Variants in EXOG observed in about 807,000 individuals in gnomAD.
EXOG encodes the protein nuclease EXOG, mitochondrial.
Under a neutral mutation model 25.8 loss-of-function variants are expected in EXOG, and 27 were observed. The ratio of observed to expected loss-of-function variants is 1.05; its 90% CI spans 0.77 to 1.45. EXOG has a LOEUF of 1.45. Ranked by LOEUF, EXOG falls within the 40% of genes most tolerant of loss-of-function variation. The pLI is 0.00. For missense variants in EXOG, 458 were observed against 450.5 expected (o/e 1.02, Z -0.15); for synonymous variants, 133 against 167.0 (o/e 0.80, Z 1.57).
At chr3:38,511,758 A>G (rs1252318474) in intron 5 of EXOG, among the ~76,000 whole-genome samples, 2 of 152,220 alleles carry the variant, frequency 1.3e-5, no homozygotes, top group Non-Finnish European at 2.9e-5. Context: ...ACTTACTTGC[A>G]TGTGGTCCTG....
intron 5 of EXOG, among the ~76,000 whole-genome samples, chr3:38,521,318 G>T (rs1017961335): frequency 6.6e-6 from 1 of 152,192 alleles, no homozygotes; most frequent in African/African-American, 2.4e-5. Flanking sequence ...CTCAAAAGTA[G>T]AATCGAGGTC....
intron 3 of EXOG, among the ~76,000 whole-genome samples, chr3:38,502,932 A>G (rs2060092111): frequency 6.6e-6 from 1 of 152,212 alleles, no homozygotes; most frequent in African/African-American, 2.4e-5. Flanking sequence ...CACCTGGAGA[A>G]GTTTTTGCAG....
chr3:38,526,180 T>C lies in EXOG; in HGVS notation c.*1818T>C, dbSNP rs947701877. ...GTAAAACGTCTTGGGGCATAAGAACTTGTCTGAATCTGTCATACATACCAC... is the reference window on the plus strand; with the variant it reads ...GTAAAACGTCTTGGGGCATAAGAACCTGTCTGAATCTGTCATACATACCAC... On this transcript the variant is annotated 3_prime_UTR_variant, in exon 6 of 6. Transcript: ENST00000287675. 4 of 985,294 alleles carry C rather than the reference T, an allele frequency of 4.1e-6. No homozygotes were observed. The African/African-American group carries it at 5.2e-5, about 13-fold the overall frequency. 61.0% of individuals were successfully genotyped at this position (985,294 alleles called of 1,614,324 possible). A position where few individuals can be genotyped will look rare whatever the true frequency, so the allele number is the denominator to read the frequency against.
At chr3:38,511,038 A>T (rs1317785489) in intron 5 of EXOG, among the ~76,000 whole-genome samples, 1 of 152,146 alleles carries the variant, frequency 6.6e-6, no homozygotes, top group Non-Finnish European at 1.5e-5. Context: ...TCTTTAATTC[A>T]GTAAGTCATC....
rs200166949 is a variant in EXOG, at chr3:38,524,148, C to T, written c.893C>T (p.Thr298Ile). 178 of 1,614,130 alleles carry T rather than the reference C, an allele frequency of 1.1e-4. No individual in the cohort carries two copies. Among genetic ancestry groups the T allele is most frequent in the Non-Finnish European group, 1.4e-4 (169 of 1,179,988 alleles). Residue 298 changes from threonine (T) to isoleucine (I), a missense_variant, in exon 6 of 6, where the codon ACC becomes ATC. This residue lies in a region of EXOG where 178 missense variants were observed against 203.7 expected (regional missense o/e 0.87). Coordinates refer to ENST00000287675, the MANE Select transcript of EXOG (RefSeq NM_005107.4). Reference protein sequence around the residue: ...SDIRNICSVDTCKLLDFQEFT... With the variant: ...SDIRNICSVDICKLLDFQEFT... ...ATCCGGAATATCTGCTCTGTGGACA[C>T]CTGTAAGCTCCTGGATTTCCAGGAG...
At position 38,524,435 on chromosome 3, in the gene EXOG, GGCTTT is replaced by G. The variant is rs1408630026; in HGVS notation, c.*79_*83del. On this transcript the variant is annotated 3_prime_UTR_variant, in exon 6 of 6. Coordinates refer to ENST00000287675, the MANE Select transcript of EXOG (RefSeq NM_005107.4). ...CCTCTTTAGGCTAACATATTTTAGTGGCTTTGCTTTTTGCTTTTTAAAAAGTTTTT... is the reference window on the plus strand; with the variant it reads ...CCTCTTTAGGCTAACATATTTTAGTGGCTTTTTGCTTTTTAAAAAGTTTTT... 1 of 1,494,106 alleles carries G rather than the reference GGCTTT, an allele frequency of 6.7e-7. No homozygotes were observed. Among genetic ancestry groups the G allele is most frequent in the African/African-American group, 1.4e-5 (1 of 70,524 alleles). The allele number at this position is 1,494,106 out of a possible 1,614,324, so 92.6% of individuals were successfully genotyped here.
intron 2 of EXOG, 123 bp from the exon 3 acceptor site, chr3:38,501,232 G>A (rs2060034097): frequency 2.8e-6 from 2 of 727,054 alleles, no homozygotes; most frequent in Admixed American, 2.1e-5. Flanking sequence ...AGACATGCAT[G>A]CAATCCCTAA....
chr3:38,496,410 C>T lies in EXOG; in HGVS notation c.43C>T (p.Arg15Cys), dbSNP rs140624245. 1.9e-6 allele frequency: 3 copies of T among 1,614,024 alleles called. No homozygotes were observed. Among genetic ancestry groups the T allele is most frequent in the Non-Finnish European group, 2.5e-6 (3 of 1,179,958 alleles). The change falls in exon 1 of 6, where the codon CGT (arginine) becomes TGT (cysteine). Residue 15 changes from arginine to cysteine, a missense_variant. Physicochemically the swap from Arg to Cys is radical, Grantham distance 180 (BLOSUM62 -3). Transcript: ENST00000287675. ...SIASRLRGSR[R>C]FLSGFVAGAV... ...CGCTTCCCGCCTCCGGGGTTCCCGT[C>T]GTTTTCTGAGCGGCTTCGTGGCTGG...
At chr3:38,499,062 A>T in intron 2 of EXOG, 1 of 436,316 alleles carries the variant, frequency 2.3e-6, no homozygotes, top group Non-Finnish European at 4.6e-6. Context: ...GAGGGTTAAC[A>T]TGCTGTGAAT....
chr3:38,505,954 GA>G (rs75103485), intron 4 of EXOG, among the ~76,000 whole-genome samples: 4,370 of 113,072 alleles, frequency 0.039, 199 homozygotes, highest in African/African-American at 0.12. Flanking sequence ...CGTCTCAAAA[GA>G]AAAAAAAAAA....
At chr3:38,523,282 C>A in intron 5 of EXOG, 1 of 1,287,786 alleles carries the variant, frequency 7.8e-7, no homozygotes, top group African/African-American at 1.5e-5. Context: ...ATTAAAAAAC[C>A]AGGACTCACT....
chr3:38,516,719 G>A (rs6599210), intron 5 of EXOG, among the ~76,000 whole-genome samples: 23,916 of 151,996 alleles, frequency 0.16, 2,002 homozygotes, highest in Middle Eastern at 0.26. Context: ...ATCCAACCAG[G>A]ATTGAGCATT....
chr3:38,525,123 A>G lies in EXOG; in HGVS notation c.*761A>G. ...GCTCATTAAATGTGTTCTATATACTAGGCTCAGTGCTTTACATGTGTTGTC... is the reference window on the plus strand; with the variant it reads ...GCTCATTAAATGTGTTCTATATACTGGGCTCAGTGCTTTACATGTGTTGTC... On this transcript the variant is annotated 3_prime_UTR_variant, in exon 6 of 6. Transcript: ENST00000287675. 1 of 940,232 alleles carries G rather than the reference A, an allele frequency of 1.1e-6. No individual in the cohort carries two copies. The highest frequency in any genetic ancestry group is 4.9e-5 in the South Asian group (1 of 20,318). The allele number at this position is 940,232 out of a possible 1,614,324, so 58.2% of individuals were successfully genotyped here. A position where few individuals can be genotyped will look rare whatever the true frequency, so the allele number is the denominator to read the frequency against.
chr3:38,506,074 C>G (rs2060195101), intron 4 of EXOG, among the ~76,000 whole-genome samples: 1 of 151,796 alleles, frequency 6.6e-6, no homozygotes, highest in African/African-American at 2.4e-5. Context: ...GAGGTTGAGG[C>G]AGGAGAATCA....
At chr3:38,506,713 T>A (rs750534885) in intron 4 of EXOG, 141 bp from the exon 5 acceptor site, 16 of 444,344 alleles carry the variant, frequency 3.6e-5, no homozygotes, top group Non-Finnish European at 6.4e-5. Context: ...GTTTATATGC[T>A]TATAATGTTT....
chr3:38,501,515 G>A, intron 3 of EXOG, 21 bp downstream of exon 3: 3 of 1,612,150 alleles, frequency 1.9e-6, no homozygotes, highest in Non-Finnish European at 2.5e-6. Context: ...TTTGGGGGAG[G>A]GATGGGAATA....
At chr3:38,499,657 A>G (rs1028196873) in intron 2 of EXOG, 10 of 451,422 alleles carry the variant, frequency 2.2e-5, no homozygotes, top group Non-Finnish European at 4.0e-5. Context: ...TTTTTTTGAG[A>G]TGGATTTTTG....
At chr3:38,509,049 A>T (rs2060290769) in intron 5 of EXOG, among the ~76,000 whole-genome samples, 1 of 152,198 alleles carries the variant, frequency 6.6e-6, no homozygotes, top group Admixed American at 6.5e-5. Context: ...CCTCTGATTA[A>T]CTTGCTAATT....
In EXOG at chr3:38,497,645, T is replaced by A. The variant is rs749950437; in HGVS notation, c.180T>A (p.Ala60=). 6 of 1,577,666 alleles carry A rather than the reference T, an allele frequency of 3.8e-6. No individual in the cohort carries two copies. In the South Asian group the frequency reaches 7.1e-5, roughly 19 times the overall value. Residue 60 remains alanine (A), a synonymous_variant, in exon 2 of 6, where the codon GCT becomes GCA. Coordinates refer to ENST00000287675, the MANE Select transcript of EXOG (RefSeq NM_005107.4). ...GKQPDGSAEK[A]VLEQFGFPLT... is the part of the protein sequence containing the mutation. Reference sequence around the variant, plus strand: ...CATTTTTAGGATCTGCAGAAAAGGCTGTCTTGGAACAATTTGGATTCCCTT... The same window carrying A: ...CATTTTTAGGATCTGCAGAAAAGGCAGTCTTGGAACAATTTGGATTCCCTT...
Sources: allele counts gnomAD v4.1 joint callset (sites outside exome capture counted in the v4.1 genomes callset), GRCh38; gene constraint gnomAD v4.1.1; regional missense constraint gnomAD v4.1.1; transcripts MANE v1.5; gene names NCBI Gene and HGNC (gene_info 2026-07-23, HGNC 2026-07-21).